Variants in KIAA0232 observed in about 807,000 individuals in gnomAD.
KIAA0232 encodes KIAA0232.
A neutral mutation model predicts 122.0 loss-of-function variants in KIAA0232; 27 were observed. That is an observed-to-expected ratio of 0.22 (90% CI 0.16 to 0.31). KIAA0232 has a LOEUF of 0.31. Ranked by LOEUF, KIAA0232 falls within the 10% of genes least tolerant of loss-of-function variation. The pLI, the probability that KIAA0232 is intolerant of heterozygous loss-of-function variation, is 1.00. For synonymous variants in KIAA0232, 613 were observed against 587.6 expected (o/e 1.04, Z -0.63); for missense variants, 1,551 against 1,634.2 (o/e 0.95, Z 0.88).
chr4:6,865,380 A>G lies in KIAA0232; in HGVS notation c.3801+1197A>G, dbSNP rs187221160. ...AGTGGTGCGATCTCAGCTCACTGCAACCTCCACCTCCCAGGTTCAAGTGAT... is the reference window on the plus strand; with the variant it reads ...AGTGGTGCGATCTCAGCTCACTGCAGCCTCCACCTCCCAGGTTCAAGTGAT... On this transcript the variant is annotated intron_variant, in intron 7 of 9. Transcript: ENST00000307659. Among the ~76,000 whole-genome samples, 596 of 152,204 alleles carry G rather than the reference A, an allele frequency of 3.9e-3. 8 individuals are homozygous for G. Among genetic ancestry groups the G allele is most frequent in the African/African-American group, 0.013 (560 of 41,528 alleles).
intron 1 of KIAA0232, among the ~76,000 whole-genome samples, chr4:6,786,434 C>T (rs1716619831): frequency 6.6e-6 from 1 of 152,128 alleles, no homozygotes; most frequent in Non-Finnish European, 1.5e-5. Flanking sequence ...TCCTGAGTAG[C>T]TGGGACCACG....
chr4:6,824,603 T>C lies in KIAA0232; in HGVS notation c.150T>C (p.Cys50=). The change falls in exon 3 of 10, where the codon TGT becomes TGC. Residue 50 remains cysteine (C), a synonymous_variant. Coordinates refer to ENST00000307659, the MANE Select transcript of KIAA0232 (RefSeq NM_014743.3). ...QTWLGQELEK[C]GIDAMIYTRY... ...GGCTGGGACAAGAGCTCGAGAAATG[T>C]GGCATTGATGCCATGATTTACACTC... The C allele has an allele frequency of 6.2e-7, 1 of 1,614,242 alleles. No homozygotes were observed. Among genetic ancestry groups the C allele is most frequent in the South Asian group, 1.1e-5 (1 of 91,088 alleles).
chr4:6,877,865 T>C (rs1485564212), intron 9 of KIAA0232, among the ~76,000 whole-genome samples: 1 of 152,128 alleles, frequency 6.6e-6, no homozygotes, highest in Non-Finnish European at 1.5e-5. Flanking sequence ...CCAATCAAGT[T>C]GACACTCAGT....
At chr4:6,824,142 T>C in intron 2 of KIAA0232, 43 bp from the exon 3 acceptor site, 1 of 446,536 alleles carries the variant, frequency 2.2e-6, no homozygotes, top group East Asian at 3.1e-5. Context: ...TAATTTATTA[T>C]TTATATATAA....
intron 4 of KIAA0232, among the ~76,000 whole-genome samples, chr4:6,847,052 C>A (rs1464964189): frequency 6.6e-6 from 1 of 151,384 alleles, no homozygotes; most frequent in African/African-American, 2.4e-5. Flanking sequence ...ATGCTAATGG[C>A]AATTAAAAGA....
chr4:6,789,739 G>A (rs1716803951), intron 1 of KIAA0232, among the ~76,000 whole-genome samples: 1 of 152,178 alleles, frequency 6.6e-6, no homozygotes, highest in African/African-American at 2.4e-5. Context: ...AAGAAAGTCT[G>A]GAAAATTGGC....
chr4:6,841,156 G>A (rs552201915), intron 3 of KIAA0232, among the ~76,000 whole-genome samples: 1 of 152,232 alleles, frequency 6.6e-6, no homozygotes, highest in Non-Finnish European at 1.5e-5. Flanking sequence ...CATAAATAAT[G>A]TCAGGCTGCT....
chr4:6,792,551 A>C (rs1355185806), intron 1 of KIAA0232, among the ~76,000 whole-genome samples: 7 of 152,022 alleles, frequency 4.6e-5, no homozygotes, highest in Admixed American at 3.9e-4. Flanking sequence ...CAGATTTTTT[A>C]TATTGCATGT....
intron 3 of KIAA0232, among the ~76,000 whole-genome samples, chr4:6,837,082 G>A (rs563418344): frequency 1.5e-3 from 221 of 152,174 alleles, no homozygotes; most frequent in African/African-American, 5.2e-3. Flanking sequence ...ACGGGGTGGC[G>A]GCCGGGCAGA....
At chr4:6,838,035 C>G (rs931985564) in intron 3 of KIAA0232, among the ~76,000 whole-genome samples, 1 of 152,042 alleles carries the variant, frequency 6.6e-6, no homozygotes, top group Non-Finnish European at 1.5e-5. Context: ...GGATAGATTG[C>G]AAAAATTTAC....
At position 6,882,541 on chromosome 4, in the gene KIAA0232, A is replaced by G. The variant is rs988949918; in HGVS notation, c.*1575A>G. 3.4e-4 allele frequency: 51 copies of G among 151,782 alleles called. No individual in the cohort carries two copies. Among genetic ancestry groups the G allele is most frequent in the African/African-American group, 1.2e-3 (50 of 41,394 alleles). 9.4% of individuals were successfully genotyped at this position (151,782 alleles called of 1,614,324 possible). ...GGTCTGTGTGTCCTCACCGAGAGGG[A>G]CCTGGTGTGCCCGCCGGGTCGATCT... On this transcript the variant is annotated 3_prime_UTR_variant, in exon 10 of 10. Coordinates refer to ENST00000307659, the MANE Select transcript of KIAA0232 (RefSeq NM_014743.3).
rs535487501 is a variant in KIAA0232, at chr4:6,807,238, T to A, written c.-270+2632T>A. On this transcript the variant is annotated intron_variant, in intron 2 of 9. Coordinates refer to ENST00000307659, the MANE Select transcript of KIAA0232 (RefSeq NM_014743.3). ...TTTTAAACATAAAGATCAACCAGATTAACCAAATCTGTTACAGGCTTGCAA... is the reference window on the plus strand; with the variant it reads ...TTTTAAACATAAAGATCAACCAGATAAACCAAATCTGTTACAGGCTTGCAA... 1.8e-4 allele frequency among the ~76,000 whole-genome samples: 27 copies of A among 152,282 alleles called. No homozygotes were observed. The South Asian group carries it at 4.1e-3, about 23-fold the overall frequency.
intron 1 of KIAA0232, among the ~76,000 whole-genome samples, chr4:6,788,951 A>C (rs1716754086): frequency 6.6e-6 from 1 of 150,762 alleles, no homozygotes; most frequent in Non-Finnish European, 1.5e-5. Context: ...GTAAAGAAAA[A>C]AATCTCATTT....
intron 1 of KIAA0232, among the ~76,000 whole-genome samples, chr4:6,790,392 CTTTTT>C (rs10532360): frequency 9.1e-6 from 1 of 109,370 alleles, no homozygotes; most frequent in Non-Finnish European, 1.9e-5. Context: ...TAAAAAAGGT[CTTTTT>C]TTTTTTTTTT....
intron 1 of KIAA0232, among the ~76,000 whole-genome samples, chr4:6,803,557 A>G (rs1366976181): frequency 6.6e-6 from 1 of 152,200 alleles, no homozygotes; most frequent in East Asian, 1.9e-4. Context: ...TAAAATTTCA[A>G]GTATAGTAAT....
chr4:6,876,883 G>T, intron 9 of KIAA0232, 126 bp downstream of exon 9: 1 of 655,968 alleles, frequency 1.5e-6, no homozygotes. Flanking sequence ...AGCCAGGCCT[G>T]TGGGTGCAGA....
intron 7 of KIAA0232, among the ~76,000 whole-genome samples, chr4:6,867,145 C>T (rs1033339996): frequency 6.6e-6 from 1 of 152,136 alleles, no homozygotes; most frequent in East Asian, 1.9e-4. Flanking sequence ...ATGGATATAC[C>T]GTAATCTACC....
intron 2 of KIAA0232, among the ~76,000 whole-genome samples, chr4:6,811,747 A>ATTTT (rs10709832): frequency 2.3e-3 from 243 of 103,872 alleles, no homozygotes; most frequent in Non-Finnish European, 3.7e-3. Flanking sequence ...GCCTGGCCTA[A>ATTTT]TTTTTTTTTT....
intron 3 of KIAA0232, among the ~76,000 whole-genome samples, chr4:6,825,595 AAG>A (rs1166812941): frequency 6.7e-6 from 1 of 150,096 alleles, no homozygotes; most frequent in Non-Finnish European, 1.5e-5. Flanking sequence ...GAGAGAGAGA[AAG>A]AGAAAGCAAG....
Sources: gnomAD v4.1 joint callset for allele counts (sites outside exome capture counted in the v4.1 genomes callset) on GRCh38, gnomAD v4.1.1 for gene constraint, MANE v1.5 for transcripts, NCBI Gene and HGNC (gene_info 2026-07-23, HGNC 2026-07-21) for gene names.